The following NECAB3 variants were observed in gnomAD, a reference collection of about 807,000 sequenced individuals.
NECAB3 encodes N-terminal EF-hand calcium binding protein 3.
NECAB3 carries 38 observed loss-of-function variants against 57.2 expected under a neutral mutation model. The ratio of observed to expected loss-of-function variants is 0.66; its 90% CI spans 0.51 to 0.87. NECAB3 has a LOEUF of 0.87. NECAB3 is among the 40% of genes least tolerant of loss of function. The probability of loss-of-function intolerance (pLI) is 0.00; values close to 1 mark genes in which losing one functional copy is unlikely to be tolerated. For missense variants in NECAB3, 474 were observed against 527.5 expected (o/e 0.90, Z 0.99); for synonymous variants, 223 against 222.6 (o/e 1.00, Z -0.02).
chr20:33,674,564 G>C (rs1286149398), upstream of NECAB3: 1 of 295,370 alleles, frequency 3.4e-6, no homozygotes, highest in Non-Finnish European at 5.1e-6. Flanking sequence ...CACGGCGGAG[G>C]GGGAGGCGCC....
rs990685506 is a variant in NECAB3, at chr20:33,674,397, T to G, written c.-45A>C. The G allele has an allele frequency of 6.2e-6, 7 of 1,137,798 alleles. No individual in the cohort carries two copies. Among genetic ancestry groups the G allele is most frequent in the Middle Eastern group, 3.7e-4 (1 of 2,712 alleles). 70.5% of individuals were successfully genotyped at this position (1,137,798 alleles called of 1,614,324 possible). On this transcript the variant is annotated 5_prime_UTR_variant, in exon 1 of 12. Coordinates refer to ENST00000246190, the MANE Select transcript of NECAB3 (RefSeq NM_031232.4). ...GCTCGGCTGCGGTTGCTGCCGACCCTGGACGCCGCGGCGGACTCGGTGTGG... is the reference window on the plus strand; with the variant it reads ...GCTCGGCTGCGGTTGCTGCCGACCCGGGACGCCGCGGCGGACTCGGTGTGG...
intron 5 of NECAB3, chr20:33,667,828 G>A (rs2017722077): frequency 3.7e-6 from 6 of 1,611,754 alleles, no homozygotes; most frequent in African/African-American, 1.3e-5. Flanking sequence ...CGTGGGTAAC[G>A]GGTGCTGCGT....
In NECAB3 at chr20:33,657,853, G is replaced by A. The variant is rs143415387; in HGVS notation, c.1167C>T (p.Ser389=). 3.0e-4 allele frequency: 458 copies of A among 1,542,938 alleles called. 1 individual carries two copies. The African/African-American group carries it at 4.9e-3, about 17-fold the overall frequency. Residue 389 remains serine (S), a synonymous_variant, in exon 12 of 12, where the codon TCC becomes TCT. Coordinates refer to ENST00000246190, the MANE Select transcript of NECAB3 (RefSeq NM_031232.4). ...DTLTTVFFPA[S]WWIMNNN ...CTCAGTTGTTATTCATTATCCACCA[G>A]GAGGCTGGGGGTCAGAGGCAGGGGG...
intron 2 of NECAB3, among the ~76,000 whole-genome samples, chr20:33,671,388 T>C (rs911782872): frequency 1.6e-4 from 24 of 152,112 alleles, no homozygotes; most frequent in African/African-American, 5.8e-4. Context: ...TCTGAGCAGA[T>C]GGGTGCGGGG....
In NECAB3 at chr20:33,657,878, G is replaced by GTCAGGAGCCC. The variant is rs779429439; in HGVS notation, c.1163-31_1163-22dup. The GTCAGGAGCCC allele has an allele frequency of 2.6e-6, 4 of 1,546,106 alleles. No homozygotes were observed. The African/African-American group carries it at 5.5e-5, about 21-fold the overall frequency. On this transcript the variant is annotated intron_variant, in intron 11 of 11. Coordinates refer to ENST00000246190, the MANE Select transcript of NECAB3 (RefSeq NM_031232.4). ...GGAGGCTGGGGGTCAGAGGCAGGGG[G>GTCAGGAGCCC]TCAGGAGCCCTCAGGAGCCCACTGC...
chr20:33,662,614 C>T, intron 5 of NECAB3: 1 of 980,782 alleles, frequency 1.0e-6, no homozygotes. Context: ...GAAAATCTCT[C>T]CCAAGGATGA....
At chr20:33,663,145 C>A (rs912270111) in intron 5 of NECAB3, among the ~76,000 whole-genome samples, 1 of 152,196 alleles carries the variant, frequency 6.6e-6, no homozygotes, top group African/African-American at 2.4e-5. Flanking sequence ...CTCTTCAGCT[C>A]CTAGGCTCAG....
intron 8 of NECAB3, 69 bp from the exon 9 acceptor site, chr20:33,658,903 AGGAGG>A: frequency 8.9e-7 from 1 of 1,121,372 alleles, no homozygotes; most frequent in South Asian, 1.3e-5. Context: ...TGTGGCCTCC[AGGAGG>A]TTCTCAGCTG....
At position 33,663,844 on chromosome 20, in the gene NECAB3, C is replaced by G; in HGVS notation, c.388-3449G>C. ...CGAGGAGCAGCCGCGCAAACGGTGCCGCTGCCCTCGCCCGCAGCTTTAAAC... is the reference window on the plus strand; with the variant it reads ...CGAGGAGCAGCCGCGCAAACGGTGCGGCTGCCCTCGCCCGCAGCTTTAAAC... On this transcript the variant is annotated intron_variant, in intron 5 of 11. Coordinates refer to ENST00000246190, the MANE Select transcript of NECAB3 (RefSeq NM_031232.4). 1 of 1,407,138 alleles carries G rather than the reference C, an allele frequency of 7.1e-7. No individual in the cohort carries two copies. Among genetic ancestry groups the G allele is most frequent in the Non-Finnish European group, 9.2e-7 (1 of 1,091,490 alleles). 87.2% of individuals were successfully genotyped at this position (1,407,138 alleles called of 1,614,324 possible).
At chr20:33,663,787 C>T in intron 5 of NECAB3, 1 of 1,425,314 alleles carries the variant, frequency 7.0e-7, no homozygotes, top group East Asian at 2.9e-5. Context: ...CTTCCGGTCC[C>T]CGGGGAAGGC....
intron 5 of NECAB3, chr20:33,668,177 T>C (rs1198166399): frequency 6.2e-7 from 1 of 1,611,788 alleles, no homozygotes; most frequent in Admixed American, 1.7e-5. Flanking sequence ...CGCCGCTGGA[T>C]AACTCGGGCC....
chr20:33,664,917 TCTC>T (rs768126084), intron 5 of NECAB3: 1 of 152,240 alleles, frequency 6.6e-6, no homozygotes, highest in Admixed American at 6.5e-5. Flanking sequence ...AGGATGAACA[TCTC>T]CTCCACCTTG....
Position 33,660,613 on chromosome 20 carries a change from A to G in NECAB3, c.388-218T>C, listed in dbSNP as rs2017441884. 6.6e-6 allele frequency among the ~76,000 whole-genome samples: 1 copy of G among 152,030 alleles called. No individual in the cohort carries two copies. Among genetic ancestry groups the G allele is most frequent in the Admixed American group, 6.6e-5 (1 of 15,266 alleles). ...CTCCCTCCCCGGAGGTGTGAGGCCA[A>G]CTCACAGGGGGCATCTGCCCAGCGA... On this transcript the variant is annotated intron_variant, in intron 5 of 11. Transcript: ENST00000246190. The surrounding 1 kb of genome is among the most constrained non-coding windows in gnomAD (Gnocchi z 4.1).
intron 10 of NECAB3, 52 bp downstream of exon 10, chr20:33,658,425 C>T: frequency 1.3e-6 from 2 of 1,561,936 alleles, no homozygotes; most frequent in Non-Finnish European, 1.8e-6. Flanking sequence ...CCTGGCCTGA[C>T]TCACTCCAGG....
chr20:33,670,778 A>G lies in NECAB3; in HGVS notation c.169T>C (p.Ser57Pro). 3.1e-6 allele frequency: 5 copies of G among 1,613,878 alleles called. No individual in the cohort carries two copies. Among genetic ancestry groups the G allele is most frequent in the Non-Finnish European group, 3.4e-6 (4 of 1,179,826 alleles). The change falls in exon 3 of 12, where the codon TCA (serine) becomes CCA (proline). Residue 57 changes from serine to proline, a missense_variant. Ser to Pro is a moderately conservative substitution (Grantham distance 74, BLOSUM62 -1). Coordinates refer to ENST00000246190, the MANE Select transcript of NECAB3 (RefSeq NM_031232.4). ...AAGTAATTCTGGAATTCCTCAAATG[A>G]GAGCTTCCCATCATCTGGGGTGGCA... Reference protein sequence around the residue: ...RADKNDDGKLSFEEFQNYFAD... With the variant: ...RADKNDDGKLPFEEFQNYFAD...
In NECAB3 at chr20:33,659,543, C is replaced by CG; in HGVS notation, c.832dup (p.Arg278ProfsTer7). ...GTCCTCTTCACGCAGGGGTTCCAGC[C>CG]GGGGGGCCTGTGAGGGCACAGAGTG... On this transcript the variant is annotated frameshift_variant, in exon 8 of 12. Coordinates refer to ENST00000246190, the MANE Select transcript of NECAB3 (RefSeq NM_031232.4). LOFTEE classifies it high-confidence loss of function. The CG allele has an allele frequency of 1.9e-6, 3 of 1,552,082 alleles. No homozygotes were observed. The highest frequency in any genetic ancestry group is 1.9e-5 in the Admixed American group (1 of 52,128).
intron 5 of NECAB3, chr20:33,663,822 G>C (rs890531753): frequency 7.1e-7 from 1 of 1,411,086 alleles, no homozygotes; most frequent in Admixed American, 3.4e-5. Context: ...GCCCCGCCGA[G>C]GAGCAGCCGC....
intron 5 of NECAB3, chr20:33,669,026 A>G: frequency 3.4e-6 from 1 of 297,602 alleles, no homozygotes; most frequent in Non-Finnish European, 6.4e-6. Flanking sequence ...ATATCCCACC[A>G]CAGTTGTGAT....
At chr20:33,667,706 A>T in intron 5 of NECAB3, 1 of 1,612,066 alleles carries the variant, frequency 6.2e-7, no homozygotes, top group Non-Finnish European at 8.5e-7. Flanking sequence ...CTCTTGCAGC[A>T]GGCCCTGCCC....
Sources: gnomAD v4.1 joint callset for allele counts (sites outside exome capture counted in the v4.1 genomes callset) on GRCh38, gnomAD v4.1.1 for gene constraint, Gnocchi (gnomAD v3.1) non-coding constraint, MANE v1.5 for transcripts, NCBI Gene and HGNC (gene_info 2026-07-23, HGNC 2026-07-21) for gene names.